Variants in RIMS4 observed in about 807,000 individuals in gnomAD.
The protein encoded by RIMS4 is regulating synaptic membrane exocytosis 4.
RIMS4 carries 9 observed loss-of-function variants against 29.0 expected under a neutral mutation model. The observed-to-expected ratio is 0.31, with a 90% CI of 0.19 to 0.54. RIMS4 has a LOEUF of 0.54. Ranked by LOEUF, RIMS4 falls within the 20% of genes least tolerant of loss-of-function variation. RIMS4 has a pLI of 0.94. For synonymous variants in RIMS4, 130 were observed against 152.9 expected (o/e 0.85, Z 1.10); for missense variants, 193 against 365.7 (o/e 0.53, Z 3.85).
chr20:44,769,865 C>T (rs920173270), intron 2 of RIMS4, among the ~76,000 whole-genome samples: 14 of 152,238 alleles, frequency 9.2e-5, no homozygotes, highest in Non-Finnish European at 2.1e-4. Context: ...CCAGCCCCAC[C>T]TCTCAGTGGC....
intron 2 of RIMS4, among the ~76,000 whole-genome samples, chr20:44,763,940 G>C (rs372750056): frequency 1.3e-5 from 2 of 151,840 alleles, no homozygotes; most frequent in African/African-American, 4.8e-5. Flanking sequence ...TTCACTACAT[G>C]CTCACCTATC....
At chr20:44,805,658 T>TA (rs1362515833) in intron 1 of RIMS4, among the ~76,000 whole-genome samples, 2 of 152,016 alleles carry the variant, frequency 1.3e-5, no homozygotes, top group Non-Finnish European at 2.9e-5. Context: ...CCCACCATCT[T>TA]AGAGGGAAGG....
intron 2 of RIMS4, among the ~76,000 whole-genome samples, chr20:44,767,120 C>T (rs1284120864): frequency 2.6e-5 from 4 of 152,222 alleles, no homozygotes. Context: ...ACATGCTCCT[C>T]TGCTATTATT....
chr20:44,810,504 C>CGGCGGCGGCGGCGGCGGT lies in RIMS4; in HGVS notation c.-234_-233insACCGCCGCCGCCGCCGCC, dbSNP rs1555866054. ...CGCGCTGTGCTGCTGGCGGCGGCGG[C>CGGCGGCGGCGGCGGCGGT]GGCGGCGGCGGTGGCGGCGGCGGTG... On this transcript the variant is annotated 5_prime_UTR_variant, in exon 1 of 6. Transcript: ENST00000372851. Among the ~76,000 whole-genome samples, 2 of 144,028 alleles carry CGGCGGCGGCGGCGGCGGT rather than the reference C, an allele frequency of 1.4e-5. No individual in the cohort carries two copies. Among genetic ancestry groups the CGGCGGCGGCGGCGGCGGT allele is most frequent in the East Asian group, 2.0e-4 (1 of 4,938 alleles). The allele number at this position is 144,028 out of a possible 152,430, so 94.5% of individuals were successfully genotyped here.
At chr20:44,780,901 T>C (rs1259146862) in intron 1 of RIMS4, among the ~76,000 whole-genome samples, 3 of 152,124 alleles carry the variant, frequency 2.0e-5, no homozygotes, top group Non-Finnish European at 2.9e-5. Flanking sequence ...TTGAGAACCC[T>C]AGAGAGGGAG....
intron 1 of RIMS4, among the ~76,000 whole-genome samples, chr20:44,781,947 T>C (rs1227304494): frequency 6.6e-6 from 1 of 152,184 alleles, no homozygotes; most frequent in Non-Finnish European, 1.5e-5. Context: ...ACATACCAGG[T>C]GTTCTATCCA....
Position 44,752,341 on chromosome 20 carries a change from G to A in RIMS4, c.*3793C>T, listed in dbSNP as rs1205622401. 1.3e-5 allele frequency: 2 copies of A among 152,310 alleles called. No individual in the cohort carries two copies. The highest frequency in any genetic ancestry group is 1.3e-4 in the Admixed American group (2 of 15,286). The allele number at this position is 152,310 out of a possible 1,614,324, so 9.4% of individuals were successfully genotyped here. On this transcript the variant is annotated 3_prime_UTR_variant, in exon 6 of 6. Coordinates refer to ENST00000372851, the MANE Select transcript of RIMS4 (RefSeq NM_182970.4). ...TGACGCAACAGCTGTGCCTCCAGAG[G>A]GGGTGGGACTCGGTACTGTTTCTGA...
intron 2 of RIMS4, among the ~76,000 whole-genome samples, chr20:44,761,222 C>T (rs1305692694): frequency 6.6e-6 from 1 of 152,142 alleles, no homozygotes; most frequent in Non-Finnish European, 1.5e-5. Flanking sequence ...TTCATTTCAG[C>T]CTCACAACAA....
intron 1 of RIMS4, among the ~76,000 whole-genome samples, chr20:44,777,035 C>T (rs111285541): frequency 6.6e-6 from 1 of 152,214 alleles, no homozygotes; most frequent in African/African-American, 2.4e-5. Flanking sequence ...TCCACAAAGA[C>T]GTCCCTCATC....
intron 1 of RIMS4, among the ~76,000 whole-genome samples, chr20:44,809,852 A>T (rs1436465376): frequency 1.3e-5 from 2 of 151,434 alleles, no homozygotes; most frequent in Non-Finnish European, 2.9e-5. Context: ...CATTCAGGAG[A>T]CTCAGGGAGG....
chr20:44,769,596 C>A (rs2066127935), intron 2 of RIMS4, among the ~76,000 whole-genome samples: 1 of 152,220 alleles, frequency 6.6e-6, no homozygotes, highest in Admixed American at 6.5e-5. Context: ...TGCCATGTTT[C>A]TCAGGTTAAA....
intron 4 of RIMS4, 36 bp from the exon 5 acceptor site, chr20:44,757,073 T>G: frequency 1.2e-6 from 2 of 1,603,712 alleles, no homozygotes; most frequent in Non-Finnish European, 1.7e-6. Flanking sequence ...AGTTCTAGTT[T>G]GGCCCTCAAA....
chr20:44,793,913 A>G (rs2066243751), intron 1 of RIMS4, among the ~76,000 whole-genome samples: 1 of 152,146 alleles, frequency 6.6e-6, no homozygotes, highest in Admixed American at 6.5e-5. Context: ...CTACAAAAAA[A>G]ATAAAATTAG....
chr20:44,789,973 C>A (rs2066225922), intron 1 of RIMS4, among the ~76,000 whole-genome samples: 2 of 152,218 alleles, frequency 1.3e-5, no homozygotes, highest in Non-Finnish European at 2.9e-5. Flanking sequence ...TAGAGGCACC[C>A]AAGGGAGAAT....
rs2066050758 is a variant in RIMS4, at chr20:44,754,706, T to C, written c.*1428A>G. The C allele has an allele frequency of 6.5e-6, 1 of 152,796 alleles. No homozygotes were observed. The highest frequency in any genetic ancestry group is 1.5e-5 in the Non-Finnish European group (1 of 68,192). The allele number at this position is 152,796 out of a possible 1,614,324, so 9.5% of individuals were successfully genotyped here. On this transcript the variant is annotated 3_prime_UTR_variant, in exon 6 of 6. Transcript: ENST00000372851. Reference sequence around the variant, plus strand: ...GAGGAGACAGTGGTCTCCTGGAATGTACTTGAGGCTCCTCTCCACCCCCGG... The same window carrying C: ...GAGGAGACAGTGGTCTCCTGGAATGCACTTGAGGCTCCTCTCCACCCCCGG...
Position 44,756,539 on chromosome 20 carries a change from G to A in RIMS4, c.592-187C>T, listed in dbSNP as rs1490025781. Among the ~76,000 whole-genome samples the A allele has an allele frequency of 1.3e-5, 2 of 152,204 alleles. No homozygotes were observed. Among genetic ancestry groups the A allele is most frequent in the Non-Finnish European group, 2.9e-5 (2 of 68,034 alleles). Reference sequence around the variant, plus strand: ...ACCAAGCCCCTGGCCTCCAGAGGCTGTTGATGGTAATGGTGACGGTGACGA... The same window carrying A: ...ACCAAGCCCCTGGCCTCCAGAGGCTATTGATGGTAATGGTGACGGTGACGA... On this transcript the variant is annotated intron_variant, in intron 5 of 5. Transcript: ENST00000372851. The surrounding 1 kb of genome is among the most constrained non-coding windows in gnomAD (Gnocchi z 5.9).
At chr20:44,783,022 A>C (rs2066191710) in intron 1 of RIMS4, among the ~76,000 whole-genome samples, 1 of 152,234 alleles carries the variant, frequency 6.6e-6, no homozygotes, top group Non-Finnish European at 1.5e-5. Context: ...ACAGGCACTC[A>C]GTAAATTGCA....
intron 1 of RIMS4, among the ~76,000 whole-genome samples, chr20:44,805,998 G>A (rs533067047): frequency 2.0e-4 from 31 of 152,266 alleles, no homozygotes; most frequent in African/African-American, 5.8e-4. Context: ...ATCCCACCCC[G>A]CCCCCAGCCC....
chr20:44,765,027 T>C (rs1489887545), intron 2 of RIMS4, among the ~76,000 whole-genome samples: 2 of 152,222 alleles, frequency 1.3e-5, no homozygotes, highest in African/African-American at 2.4e-5. Flanking sequence ...TATTTATCAA[T>C]GTTGATCCAT....
Sources: gnomAD v4.1 joint callset for allele counts (sites outside exome capture counted in the v4.1 genomes callset) on GRCh38, gnomAD v4.1.1 for gene constraint, Gnocchi (gnomAD v3.1) non-coding constraint, MANE v1.5 for transcripts, NCBI Gene and HGNC (gene_info 2026-07-23, HGNC 2026-07-21) for gene names.